The following MAEL variants were observed in gnomAD, a reference collection of about 807,000 sequenced individuals.
MAEL encodes the protein protein maelstrom homolog.
Under a neutral mutation model 62.0 loss-of-function variants are expected in MAEL, and 46 were observed. The ratio of observed to expected loss-of-function variants is 0.74; its 90% CI spans 0.59 to 0.95. The LOEUF (loss-of-function observed/expected upper bound fraction) is 0.95, where lower values mean the gene tolerates loss of function less well. Ranked by LOEUF, MAEL falls within the 40% of genes least tolerant of loss-of-function variation. The pLI is 0.00. For synonymous variants in MAEL, 172 were observed against 175.5 expected (o/e 0.98, Z 0.16); for missense variants, 497 against 526.8 (o/e 0.94, Z 0.55).
At chr1:167,007,579 GTGTGTGTGTGTGTGTGTGTA>G (rs1241194448) in intron 8 of MAEL, among the ~76,000 whole-genome samples, 51 of 131,980 alleles carry the variant, frequency 3.9e-4, no homozygotes, top group Non-Finnish European at 6.4e-4. Context: ...GTGTGTGTGT[GTGTGTGTGTGTGTGTGTGTA>G]TGTACACACA....
intron 4 of MAEL, 102 bp downstream of exon 4, chr1:166,992,943 C>A: frequency 1.1e-6 from 1 of 944,818 alleles, no homozygotes; most frequent in African/African-American, 1.7e-5. Flanking sequence ...AGCTCATGTA[C>A]AGCTGTGTTC....
chr1:167,017,796 T>G, intron 9 of MAEL, 31 bp from the exon 10 acceptor site: 1 of 1,575,364 alleles, frequency 6.3e-7, no homozygotes, highest in Non-Finnish European at 8.6e-7. Flanking sequence ...TAAATTAGAT[T>G]CTGATAGTGA....
intron 10 of MAEL, 75 bp downstream of exon 10, chr1:167,018,034 A>G: frequency 7.0e-7 from 1 of 1,431,242 alleles, no homozygotes; most frequent in East Asian, 2.4e-5. Context: ...AACAGAAACA[A>G]AAGATCAGCC....
At chr1:167,018,366 G>A (rs528937447) in intron 10 of MAEL, among the ~76,000 whole-genome samples, 3 of 151,210 alleles carry the variant, frequency 2.0e-5, no homozygotes, top group African/African-American at 2.4e-5. Flanking sequence ...CCTCCCTGCC[G>A]TTTACTTATT....
At chr1:167,003,652 C>T (rs1348855907) in intron 5 of MAEL, among the ~76,000 whole-genome samples, 5 of 152,214 alleles carry the variant, frequency 3.3e-5, no homozygotes, top group Non-Finnish European at 7.3e-5. Context: ...TTGATATATT[C>T]TCTAATCTTA....
chr1:167,017,409 G>T (rs1488475789), intron 9 of MAEL, among the ~76,000 whole-genome samples: 7 of 152,128 alleles, frequency 4.6e-5, no homozygotes, highest in African/African-American at 7.2e-5. Context: ...TAGGTCTTTT[G>T]TTCTCGTTTT....
In MAEL at chr1:166,996,722, T is replaced by C. The variant is rs141786367; in HGVS notation, c.523+2653T>C. Among the ~76,000 whole-genome samples, 288 of 152,352 alleles carry C rather than the reference T, an allele frequency of 1.9e-3. 2 individuals carry two copies. The East Asian group carries it at 0.036, about 19-fold the overall frequency. Reference sequence around the variant, plus strand: ...TTCTTTTCTGAATAGTTTTACTACATGTACATATTTGTTTAAATGATGTGT... The same window carrying C: ...TTCTTTTCTGAATAGTTTTACTACACGTACATATTTGTTTAAATGATGTGT... On this transcript the variant is annotated intron_variant, in intron 5 of 11. Transcript: ENST00000367872.
chr1:166,989,321 T>C lies in MAEL; in HGVS notation c.-32T>C. ...CGGCGAGGGCGCCGGTGCTTTGTTC[T>C]GTCTGAGGCCAGGAAGTTTGACCGC... On this transcript the variant is annotated 5_prime_UTR_variant, in exon 1 of 12. Transcript: ENST00000367872. The C allele has an allele frequency of 1.2e-6, 2 of 1,600,862 alleles. No individual in the cohort carries two copies. Among genetic ancestry groups the C allele is most frequent in the Non-Finnish European group, 1.7e-6 (2 of 1,173,584 alleles).
At chr1:167,016,966 G>A (rs1488729667) in intron 9 of MAEL, among the ~76,000 whole-genome samples, 1 of 152,088 alleles carries the variant, frequency 6.6e-6, no homozygotes, top group African/African-American at 2.4e-5. Flanking sequence ...AGAGTAGAAG[G>A]AATGATTACT....
chr1:166,987,083 T>C (rs907416531), upstream of MAEL, among the ~76,000 whole-genome samples: 2 of 152,018 alleles, frequency 1.3e-5, no homozygotes, highest in African/African-American at 4.8e-5. Context: ...AGTCCATAGT[T>C]TGATGAATTT....
intron 9 of MAEL, among the ~76,000 whole-genome samples, chr1:167,016,675 T>C (rs1398635120): frequency 6.6e-6 from 1 of 152,144 alleles, no homozygotes; most frequent in Non-Finnish European, 1.5e-5. Context: ...AAGAAATATC[T>C]ACACTCCCAT....
Position 167,004,315 on chromosome 1 carries a change from G to A in MAEL, c.648+11G>A, listed in dbSNP as rs763258361. The A allele has an allele frequency of 6.3e-7, 1 of 1,579,362 alleles. No homozygotes were observed. The highest frequency in any genetic ancestry group is 1.2e-5 in the South Asian group (1 of 83,610). ...CCTATCTACTGCAAGGTAATTTCAGGTTAAGAAGTTCTTTTAAGGTATCAA... is the reference window on the plus strand; with the variant it reads ...CCTATCTACTGCAAGGTAATTTCAGATTAAGAAGTTCTTTTAAGGTATCAA... On this transcript the variant is annotated intron_variant, in intron 6 of 11. Transcript: ENST00000367872.
chr1:167,003,850 G>A (rs760181486), intron 5 of MAEL, among the ~76,000 whole-genome samples: 3 of 152,120 alleles, frequency 2.0e-5, no homozygotes, highest in Non-Finnish European at 2.9e-5. Flanking sequence ...ATGAAAGGCA[G>A]CATGGGAATA....
At chr1:166,999,048 G>T (rs1490845409) in intron 5 of MAEL, among the ~76,000 whole-genome samples, 1 of 151,974 alleles carries the variant, frequency 6.6e-6, no homozygotes, top group African/African-American at 2.4e-5. Context: ...CCCTTTCCTT[G>T]GGCCTCACTA....
chr1:167,010,970 A>G (rs1318689840), intron 8 of MAEL, among the ~76,000 whole-genome samples: 1 of 150,112 alleles, frequency 6.7e-6, no homozygotes, highest in Non-Finnish European at 1.5e-5. Context: ...TTAGAATTTT[A>G]TTTCCTGCAT....
Position 167,017,943 on chromosome 1 carries a change from A to T in MAEL, c.1025A>T (p.Asp342Val), listed in dbSNP as rs1287059788. 2 of 1,613,120 alleles carry T rather than the reference A, an allele frequency of 1.2e-6. No individual in the cohort carries two copies. The highest frequency in any genetic ancestry group is 1.7e-6 in the Non-Finnish European group (2 of 1,179,378). Reference sequence around the variant, plus strand: ...GTGACACCCAAAATGGTTGTATTGGATGCAGGGCGTTACCAGGTAAGGAAC... The same window carrying T: ...GTGACACCCAAAATGGTTGTATTGGTTGCAGGGCGTTACCAGGTAAGGAAC... ...NSVTPKMVVL[D>V]AGRYQKLRVG... The change falls in exon 10 of 12, where the codon GAT (aspartate) becomes GTT (valine). Residue 342 changes from aspartate to valine, a missense_variant. By Grantham distance (152) the Asp-to-Val change is radical. Transcript: ENST00000367872.
intron 8 of MAEL, among the ~76,000 whole-genome samples, chr1:167,014,802 C>T (rs1317216042): frequency 6.6e-6 from 1 of 152,122 alleles, no homozygotes; most frequent in Non-Finnish European, 1.5e-5. Flanking sequence ...GTGGGTGGAT[C>T]ACCTGAGGTC....
In MAEL at chr1:166,992,937, C is replaced by T. The variant is rs985838243; in HGVS notation, c.481+96C>T. 6.8e-5 allele frequency: 69 copies of T among 1,013,690 alleles called. 1 individual carries two copies. The highest frequency in any genetic ancestry group is 3.2e-4 in the South Asian group (16 of 50,454). 62.8% of individuals were successfully genotyped at this position (1,013,690 alleles called of 1,614,324 possible). A position where few individuals can be genotyped will look rare whatever the true frequency, so the allele number is the denominator to read the frequency against. On this transcript the variant is annotated intron_variant, in intron 4 of 11. Transcript: ENST00000367872. ...ATAATAGTACTTTTTCTTACAAGCT[C>T]ATGTACAGCTGTGTTCTTAATGTAA...
At chr1:167,018,790 AT>A (rs928174479) in intron 10 of MAEL, among the ~76,000 whole-genome samples, 2 of 152,110 alleles carry the variant, frequency 1.3e-5, no homozygotes, top group South Asian at 4.1e-4. Flanking sequence ...TTCATATGAC[AT>A]TTTTTTGAAG....
Sources: allele counts gnomAD v4.1 joint callset (sites outside exome capture counted in the v4.1 genomes callset), GRCh38; gene constraint gnomAD v4.1.1; transcripts MANE v1.5; gene names NCBI Gene and HGNC (gene_info 2026-07-23, HGNC 2026-07-21).